Variants in NT5DC3 observed in about 807,000 individuals in gnomAD.
NT5DC3 encodes 5'-nucleotidase domain containing 3, also known as 5'-nucleotidase domain-containing protein 3.
Under a neutral mutation model 67.8 loss-of-function variants are expected in NT5DC3, and 42 were observed. That is an observed-to-expected ratio of 0.62 (90% CI 0.48 to 0.80). The LOEUF (loss-of-function observed/expected upper bound fraction) is 0.80, where lower values mean the gene tolerates loss of function less well. Ranked by LOEUF, NT5DC3 falls within the 30% of genes least tolerant of loss-of-function variation. The pLI is 0.00. For synonymous variants in NT5DC3, 237 were observed against 255.6 expected (o/e 0.93, Z 0.69); for missense variants, 570 against 696.4 (o/e 0.82, Z 2.04).
chr12:103,749,813 C>G, the NT5DC3 span, among the ~76,000 whole-genome samples: 2 of 126,490 alleles, frequency 1.6e-5, no homozygotes, highest in Non-Finnish European at 3.2e-5. Context: ...GCACTCCAGC[C>G]TGGGTGACAG....
chr12:103,746,836 T>C, the NT5DC3 span: 1 of 797,080 alleles, frequency 1.3e-6, no homozygotes, highest in Non-Finnish European at 2.1e-6. Context: ...ACCCTCTCTA[T>C]GACTCAGTTT....
the NT5DC3 span, among the ~76,000 whole-genome samples, chr12:103,748,613 C>T: frequency 0.061 from 1,372 of 22,654 alleles, 12 homozygotes; most frequent in African/African-American, 0.16. Context: ...CATACACACA[C>T]ACACACACAC....
intron 2 of NT5DC3, among the ~76,000 whole-genome samples, chr12:103,814,539 T>C (rs934017997): frequency 7.2e-5 from 11 of 152,350 alleles, no homozygotes; most frequent in African/African-American, 2.6e-4. Flanking sequence ...CATTCAAATA[T>C]GCTGTACTCA....
the NT5DC3 span, chr12:103,755,160 C>T: frequency 8.7e-7 from 1 of 1,144,584 alleles, no homozygotes; most frequent in South Asian, 1.4e-5. Flanking sequence ...TGACCACCTA[C>T]TGTGTGCCAG....
intron 6 of NT5DC3, among the ~76,000 whole-genome samples, chr12:103,795,825 A>G (rs1886287561): frequency 6.6e-6 from 1 of 152,228 alleles, no homozygotes; most frequent in Non-Finnish European, 1.5e-5. Context: ...TATAAATACA[A>G]ATGATTTGTA....
chr12:103,803,295 A>T (rs1390894079), intron 4 of NT5DC3, among the ~76,000 whole-genome samples: 2 of 152,234 alleles, frequency 1.3e-5, no homozygotes, highest in Admixed American at 1.3e-4. Context: ...AATATAAGTT[A>T]AAAGTAAGTC....
At chr12:103,791,358 C>T (rs143998001) in intron 9 of NT5DC3, among the ~76,000 whole-genome samples, 51 of 152,254 alleles carry the variant, frequency 3.3e-4, no homozygotes, top group Middle Eastern at 6.8e-3. Flanking sequence ...GGCATCATAT[C>T]AGCTACTGTA....
intron 1 of NT5DC3, among the ~76,000 whole-genome samples, chr12:103,836,938 AG>A (rs1888173671): frequency 6.6e-6 from 1 of 152,162 alleles, no homozygotes; most frequent in Non-Finnish European, 1.5e-5. Flanking sequence ...TCCACTAGGC[AG>A]TACCCCAGTA....
At chr12:103,749,168 T>C in the NT5DC3 span, 5 of 1,585,048 alleles carry the variant, frequency 3.2e-6, no homozygotes, top group East Asian at 1.1e-4. Context: ...TGAGTCGCTC[T>C]TTCCCAGGGA....
At chr12:103,762,615 C>G in the NT5DC3 span, among the ~76,000 whole-genome samples, 1 of 152,316 alleles carries the variant, frequency 6.6e-6, no homozygotes, top group East Asian at 1.9e-4. Context: ...CAAGCCCCTC[C>G]TTCTGGCTGA....
At chr12:103,757,188 A>C in the NT5DC3 span, among the ~76,000 whole-genome samples, 1 of 151,714 alleles carries the variant, frequency 6.6e-6, no homozygotes, top group Non-Finnish European at 1.5e-5. Flanking sequence ...TCCTGGGCTC[A>C]AGGGCTCCTC....
At chr12:103,814,761 T>TA (rs1047341789) in intron 2 of NT5DC3, among the ~76,000 whole-genome samples, 176 bp downstream of exon 2, 11 of 152,298 alleles carry the variant, frequency 7.2e-5, no homozygotes, top group Admixed American at 2.6e-4. Context: ...AGACTTTTTT[T>TA]AAAAAAACTA....
At chr12:103,756,518 A>G in the NT5DC3 span, among the ~76,000 whole-genome samples, 1 of 152,222 alleles carries the variant, frequency 6.6e-6, no homozygotes, top group Non-Finnish European at 1.5e-5. Context: ...CTGCAACTGT[A>G]TAAGGCCACT....
At chr12:103,764,055 G>A in the NT5DC3 span, among the ~76,000 whole-genome samples, 6 of 151,688 alleles carry the variant, frequency 4.0e-5, no homozygotes, top group East Asian at 1.9e-4. Context: ...GCACGATCTC[G>A]GCTCATTGCA....
chr12:103,840,431 A>G (rs1566137863), intron 1 of NT5DC3, among the ~76,000 whole-genome samples: 8 of 148,926 alleles, frequency 5.4e-5, no homozygotes, highest in African/African-American at 1.5e-4. Flanking sequence ...ATTCCATCCC[A>G]TTCCATCCCA....
At chr12:103,808,281 G>A (rs1172589610) in intron 2 of NT5DC3, among the ~76,000 whole-genome samples, 1 of 152,188 alleles carries the variant, frequency 6.6e-6, no homozygotes, top group Non-Finnish European at 1.5e-5. Context: ...TCAGGCTGGG[G>A]CCTTCTCCCC....
At chr12:103,786,101 TGAG>T (rs1225423140) in intron 11 of NT5DC3, among the ~76,000 whole-genome samples, 1 of 151,986 alleles carries the variant, frequency 6.6e-6, no homozygotes, top group Non-Finnish European at 1.5e-5. Flanking sequence ...CCCTAAATAC[TGAG>T]GATAAAACAA....
chr12:103,836,975 A>C (rs7135173), intron 1 of NT5DC3, among the ~76,000 whole-genome samples: 104,033 of 152,078 alleles, frequency 0.68, 36,129 homozygotes, highest in East Asian at 0.91. Flanking sequence ...GGCTCCCACC[A>C]CACATTTCCC....
intron 4 of NT5DC3, among the ~76,000 whole-genome samples, chr12:103,802,885 T>C (rs1886643004): frequency 6.6e-6 from 1 of 152,172 alleles, no homozygotes; most frequent in African/African-American, 2.4e-5. Flanking sequence ...CCTAAGCATA[T>C]GGCTTAGCCT....
Sources: allele counts gnomAD v4.1 joint callset (sites outside exome capture counted in the v4.1 genomes callset), GRCh38; gene constraint gnomAD v4.1.1; transcripts MANE v1.5; gene names NCBI Gene and HGNC (gene_info 2026-07-23, HGNC 2026-07-21).